The following CNTNAP2 variants were observed in gnomAD, a reference collection of about 807,000 sequenced individuals.
The protein encoded by CNTNAP2 is contactin associated protein 2.
CNTNAP2 carries 98 observed loss-of-function variants against 155.2 expected under a neutral mutation model. The observed-to-expected ratio is 0.63, with a 90% confidence interval of 0.54 to 0.75. The LOEUF (loss-of-function observed/expected upper bound fraction) is 0.75. CNTNAP2 is among the 30% of genes least tolerant of loss of function. CNTNAP2 has a pLI of 0.00. For synonymous variants in CNTNAP2, 651 were observed against 631.2 expected, an observed-to-expected ratio of 1.03 and a Z score of -0.47; for missense variants, 1,727 against 1,688.1, an observed-to-expected ratio of 1.02 and a Z score of -0.40.
intron 1 of CNTNAP2, among the ~76,000 whole-genome samples, chr7:146,771,294 G>A (rs1018227883): frequency 1.1e-4 from 16 of 152,148 alleles, no homozygotes; most frequent in Non-Finnish European, 2.1e-4. Flanking sequence ...CTTGGCAGTT[G>A]ATGCATATTT....
chr7:146,337,622 T>TC (rs1801300052), intron 1 of CNTNAP2, among the ~76,000 whole-genome samples: 4 of 130,536 alleles, frequency 3.1e-5, no homozygotes, highest in African/African-American at 1.8e-4. Context: ...CATACCTGGC[T>TC]TTTTTGTTTG....
chr7:147,869,109 A>T (rs1462416121), intron 13 of CNTNAP2, among the ~76,000 whole-genome samples: 1 of 152,150 alleles, frequency 6.6e-6, no homozygotes, highest in East Asian at 1.9e-4. Context: ...CTTGGAATGG[A>T]GCTCTATCTT....
intron 21 of CNTNAP2, among the ~76,000 whole-genome samples, chr7:148,382,708 C>T (rs779438867): frequency 3.5e-4 from 54 of 152,278 alleles, no homozygotes; most frequent in Non-Finnish European, 5.4e-4. Flanking sequence ...GGGGTTGATG[C>T]GGCACTTGCT....
At chr7:146,206,817 T>A (rs991250565) in intron 1 of CNTNAP2, among the ~76,000 whole-genome samples, 2 of 152,048 alleles carry the variant, frequency 1.3e-5, no homozygotes, top group Non-Finnish European at 2.9e-5. Flanking sequence ...TGATGCTGTA[T>A]GGTAATGGCA....
chr7:148,331,257 G>GATGGATGGAGTGGATGGATGGA, intron 21 of CNTNAP2, among the ~76,000 whole-genome samples: 1 of 2,010 alleles, frequency 5.0e-4, no homozygotes, highest in African/African-American at 1.7e-3. Flanking sequence ...GGATGGAATG[G>GATGGATGGAGTGGATGGATGGA]ATGGATGGAT....
chr7:147,179,315 A>G (rs879208960), intron 8 of CNTNAP2, among the ~76,000 whole-genome samples: 1 of 152,218 alleles, frequency 6.6e-6, no homozygotes, highest in Admixed American at 6.5e-5. Flanking sequence ...AGAGGATGTT[A>G]TGTTCAAGAT....
intron 1 of CNTNAP2, among the ~76,000 whole-genome samples, chr7:146,592,846 A>G (rs982846775): frequency 2.0e-5 from 3 of 152,126 alleles, no homozygotes; most frequent in Non-Finnish European, 4.4e-5. Context: ...GGGACAGTCC[A>G]GTGGTGGCAG....
chr7:148,226,214 T>TA (rs199576911), intron 19 of CNTNAP2, among the ~76,000 whole-genome samples: 25 of 151,034 alleles, frequency 1.7e-4, no homozygotes, highest in South Asian at 2.1e-4. Flanking sequence ...ATGCTATTAT[T>TA]AAAAAAAAAG....
intron 15 of CNTNAP2, among the ~76,000 whole-genome samples, chr7:148,005,856 G>T (rs573561463): frequency 6.6e-6 from 1 of 152,262 alleles, no homozygotes; most frequent in South Asian, 2.1e-4. Context: ...CCTTTGTTTT[G>T]ATTCAGTTGC....
At chr7:147,014,031 G>T (rs1203375153) in intron 3 of CNTNAP2, among the ~76,000 whole-genome samples, 1 of 152,154 alleles carries the variant, frequency 6.6e-6, no homozygotes, top group Admixed American at 6.6e-5. Flanking sequence ...TGGAAAAAGG[G>T]ATGTTTGTGG....
chr7:146,991,799 C>A (rs922021522), intron 3 of CNTNAP2, among the ~76,000 whole-genome samples: 3 of 151,986 alleles, frequency 2.0e-5, no homozygotes, highest in African/African-American at 7.2e-5. Context: ...TGAAATCTTC[C>A]GTGTTGTTAT....
intron 15 of CNTNAP2, among the ~76,000 whole-genome samples, chr7:147,994,629 C>T (rs1801770325): frequency 6.6e-6 from 1 of 152,070 alleles, no homozygotes; most frequent in Non-Finnish European, 1.5e-5. Context: ...CTCTTTTTGC[C>T]TGCTGCTATC....
At chr7:146,839,972 TA>T in intron 3 of CNTNAP2, 68 bp downstream of exon 3, 2 of 1,514,854 alleles carry the variant, frequency 1.3e-6, no homozygotes, top group Non-Finnish European at 1.8e-6. Flanking sequence ...GTACAGGATT[TA>T]CTAAGCATAT....
In CNTNAP2 at chr7:146,949,673, T is replaced by C. The variant is rs146257388; in HGVS notation, c.403-94234T>C. On this transcript the variant is annotated intron_variant, in intron 3 of 23. Coordinates refer to ENST00000361727, the MANE Select transcript of CNTNAP2 (RefSeq NM_014141.6). ...GTTATATCACAATGCATTTGTTGAATTGAAATTGTGATCTTCAAGCCTCGT... is the reference window on the plus strand; with the variant it reads ...GTTATATCACAATGCATTTGTTGAACTGAAATTGTGATCTTCAAGCCTCGT... Among the ~76,000 whole-genome samples the C allele has an allele frequency of 3.9e-3, 594 of 152,298 alleles. 1 individual carries two copies. Among genetic ancestry groups the C allele is most frequent in the Non-Finnish European group, 4.8e-3 (326 of 68,014 alleles).
At chr7:148,044,170 A>G (rs1802728419) in intron 15 of CNTNAP2, among the ~76,000 whole-genome samples, 1 of 151,804 alleles carries the variant, frequency 6.6e-6, no homozygotes, top group African/African-American at 2.4e-5. Context: ...AACTTGGCCA[A>G]CTAATAGCTT....
At chr7:147,683,377 T>G (rs1187268191) in intron 13 of CNTNAP2, among the ~76,000 whole-genome samples, 1 of 151,870 alleles carries the variant, frequency 6.6e-6, no homozygotes, top group Non-Finnish European at 1.5e-5. Flanking sequence ...GATCTATGTG[T>G]GTAAATAAAA....
chr7:146,804,534 A>T (rs187722427), intron 2 of CNTNAP2, among the ~76,000 whole-genome samples: 1 of 152,324 alleles, frequency 6.6e-6, no homozygotes, highest in East Asian at 1.9e-4. Flanking sequence ...AGAAACAAAA[A>T]TGCTATAAAT....
chr7:146,436,486 A>G (rs999572010), intron 1 of CNTNAP2, among the ~76,000 whole-genome samples: 1 of 152,212 alleles, frequency 6.6e-6, no homozygotes, highest in Non-Finnish European at 1.5e-5. Flanking sequence ...TTTCAGTTTT[A>G]AAAATAAGCA....
At chr7:147,445,199 C>T (rs546511164) in intron 10 of CNTNAP2, among the ~76,000 whole-genome samples, 4 of 152,332 alleles carry the variant, frequency 2.6e-5, no homozygotes, top group African/African-American at 9.6e-5. Flanking sequence ...TCTGTCCTCT[C>T]AGCAGGGACA....
Sources: gnomAD v4.1 joint callset for allele counts (sites outside exome capture counted in the v4.1 genomes callset) on GRCh38, gnomAD v4.1.1 for gene constraint, MANE v1.5 for transcripts, NCBI Gene and HGNC (gene_info 2026-07-23, HGNC 2026-07-21) for gene names.